PRKCE: variants seen among roughly 807,000 people sequenced by gnomAD.
The protein encoded by PRKCE is protein kinase C epsilon.
A neutral mutation model predicts 85.4 loss-of-function variants in PRKCE; 16 were observed. That is an observed-to-expected ratio of 0.19 (90% confidence interval 0.13 to 0.28). The LOEUF (loss-of-function observed/expected upper bound fraction) is 0.28, where lower values mean the gene tolerates loss of function less well. Among genes scored for constraint, PRKCE ranks in the 10% least tolerant of loss-of-function variants. The pLI, the probability that PRKCE is intolerant of heterozygous loss-of-function variation, is 1.00. For synonymous variants in PRKCE, 388 were observed against 371.5 expected (o/e 1.04, Z -0.51); for missense variants, 573 against 975.2 (o/e 0.59, Z 5.49).
At chr2:45,789,746 A>G (rs1686892006) in intron 1 of PRKCE, among the ~76,000 whole-genome samples, 1 of 152,240 alleles carries the variant, frequency 6.6e-6, no homozygotes, top group South Asian at 2.1e-4. Context: ...CCCATTTTTA[A>G]TGAGCAGTCA....
At chr2:45,844,731 A>T (rs553510993) in intron 2 of PRKCE, among the ~76,000 whole-genome samples, 2 of 152,386 alleles carry the variant, frequency 1.3e-5, no homozygotes, top group African/African-American at 4.8e-5. Flanking sequence ...GATGCTGAGC[A>T]ACCAATGGGA....
intron 2 of PRKCE, among the ~76,000 whole-genome samples, chr2:45,868,000 T>G (rs979885313): frequency 6.6e-6 from 1 of 152,144 alleles, no homozygotes; most frequent in Non-Finnish European, 1.5e-5. Context: ...TATCATTGTT[T>G]TGATGCCTCA....
At chr2:45,928,854 A>C (rs963326010) in intron 2 of PRKCE, among the ~76,000 whole-genome samples, 1 of 152,062 alleles carries the variant, frequency 6.6e-6, no homozygotes, top group Non-Finnish European at 1.5e-5. Context: ...GAATTAGACT[A>C]TTCTGCAGCT....
At chr2:45,898,738 T>A (rs553397540) in intron 2 of PRKCE, among the ~76,000 whole-genome samples, 53 of 152,218 alleles carry the variant, frequency 3.5e-4, no homozygotes, top group African/African-American at 1.2e-3. Context: ...AGAGAGGGAT[T>A]TGAATACTAT....
intron 2 of PRKCE, among the ~76,000 whole-genome samples, chr2:45,967,789 C>G (rs1253164307): frequency 6.6e-6 from 1 of 152,004 alleles, no homozygotes; most frequent in African/African-American, 2.4e-5. Flanking sequence ...TTGCCCCTCT[C>G]CTGATAGATA....
At chr2:45,807,789 C>G (rs1688354637) in intron 1 of PRKCE, among the ~76,000 whole-genome samples, 1 of 152,080 alleles carries the variant, frequency 6.6e-6, no homozygotes, top group Non-Finnish European at 1.5e-5. Context: ...TGGAGCCCAG[C>G]AATCTCTGCT....
chr2:45,677,320 GT>G (rs1186479210), intron 1 of PRKCE, among the ~76,000 whole-genome samples: 23 of 126,382 alleles, frequency 1.8e-4, no homozygotes, highest in Non-Finnish European at 3.0e-4. Flanking sequence ...GCCAGTGAAG[GT>G]TTTTTTTTTG....
intron 2 of PRKCE, among the ~76,000 whole-genome samples, chr2:45,882,322 G>C (rs1453322279): frequency 1.4e-4 from 21 of 152,194 alleles, no homozygotes. Context: ...ATCTCTTGTA[G>C]CCATGTAGTT....
At chr2:45,813,228 G>C (rs1688777749) in intron 1 of PRKCE, among the ~76,000 whole-genome samples, 1 of 152,206 alleles carries the variant, frequency 6.6e-6, no homozygotes, top group South Asian at 2.1e-4. Flanking sequence ...CAGAAGTGCA[G>C]CTGCCTCCAA....
At chr2:45,936,128 C>G (rs1318941255) in intron 2 of PRKCE, among the ~76,000 whole-genome samples, 1 of 152,120 alleles carries the variant, frequency 6.6e-6, no homozygotes, top group African/African-American at 2.4e-5. Flanking sequence ...CACTGAGGGC[C>G]AGCACTCTGG....
rs751579272 is a variant in PRKCE at position 46,008,320 on chromosome 2, C to T, written c.1263+659C>T. Among the ~76,000 whole-genome samples the T allele has an allele frequency of 2.6e-5, 4 of 152,110 alleles. No individual in the cohort carries two copies. The South Asian group carries it at 6.2e-4, about 24-fold the overall frequency. On this transcript the variant is annotated intron_variant, in intron 9 of 14. Transcript: ENST00000306156. ...GTGGCCTTTAGTATGCTCAATAAAG[C>T]ACTAAAGGTGATCAGCCACCATTCC...
At chr2:45,806,600 T>C (rs148555765) in intron 1 of PRKCE, among the ~76,000 whole-genome samples, 1 of 152,308 alleles carries the variant, frequency 6.6e-6, no homozygotes, top group East Asian at 1.9e-4. Context: ...CCTCTCCTCA[T>C]AAGCACAGGC....
At chr2:46,048,250 T>C (rs1708646290) in intron 10 of PRKCE, among the ~76,000 whole-genome samples, 1 of 152,212 alleles carries the variant, frequency 6.6e-6, no homozygotes, top group South Asian at 2.1e-4. Context: ...TCTTTGAGCC[T>C]TATTTTCCTT....
At chr2:45,849,406 T>G (rs7561544) in intron 2 of PRKCE, among the ~76,000 whole-genome samples, 1 of 151,870 alleles carries the variant, frequency 6.6e-6, no homozygotes, top group Non-Finnish European at 1.5e-5. Flanking sequence ...ATAGCAATCC[T>G]TCTGCCATCC....
At chr2:45,973,268 G>T (rs533759260) in intron 2 of PRKCE, among the ~76,000 whole-genome samples, 3 of 152,318 alleles carry the variant, frequency 2.0e-5, no homozygotes, top group Non-Finnish European at 2.9e-5. Context: ...TTCTCCACCT[G>T]TGGGTGACAG....
At chr2:45,776,536 C>T (rs1685761519) in intron 1 of PRKCE, among the ~76,000 whole-genome samples, 1 of 152,194 alleles carries the variant, frequency 6.6e-6, no homozygotes, top group Non-Finnish European at 1.5e-5. Flanking sequence ...CAGGCTTTTG[C>T]TCAAGGGACT....
intron 10 of PRKCE, among the ~76,000 whole-genome samples, chr2:46,084,412 C>A (rs1669381997): frequency 6.6e-6 from 1 of 152,162 alleles, no homozygotes; most frequent in South Asian, 2.1e-4. Flanking sequence ...GGAAGCTTCA[C>A]TTAGACTATA....
chr2:45,662,519 T>G (rs985396048), intron 1 of PRKCE, among the ~76,000 whole-genome samples: 1 of 152,096 alleles, frequency 6.6e-6, no homozygotes, highest in African/African-American at 2.4e-5. Context: ...AATCAGGAGT[T>G]AGGATAGTCT....
At chr2:45,932,005 C>G (rs1553452661) in intron 2 of PRKCE, among the ~76,000 whole-genome samples, 1 of 152,204 alleles carries the variant, frequency 6.6e-6, no homozygotes, top group Non-Finnish European at 1.5e-5. Context: ...GCGTGAGCCA[C>G]CACACCCGGC....
Sources: allele counts gnomAD v4.1 joint callset (sites outside exome capture counted in the v4.1 genomes callset), GRCh38; gene constraint gnomAD v4.1.1; transcripts MANE v1.5; gene names NCBI Gene and HGNC (gene_info 2026-07-23, HGNC 2026-07-21).